The following KIAA1586 variants were observed in gnomAD, a reference collection of about 807,000 sequenced individuals.
KIAA1586 encodes E3 SUMO-protein ligase KIAA1586.
KIAA1586 carries 5 observed loss-of-function variants against 6.1 expected under a neutral mutation model. The observed-to-expected ratio is 0.82, with a 90% CI of 0.43 to 1.73. The LOEUF is 1.73. Among genes scored for constraint, KIAA1586 ranks in the 40% most tolerant of loss-of-function variants. The pLI is 0.02. For missense variants in KIAA1586, 899 were observed against 878.2 expected, an observed-to-expected ratio of 1.02 and a Z score of -0.30; for synonymous variants, 280 against 301.7, an observed-to-expected ratio of 0.93 and a Z score of 0.75.
intron 3 of KIAA1586, among the ~76,000 whole-genome samples, chr6:57,051,231 CAAA>C (rs773856302): frequency 3.5e-5 from 3 of 86,494 alleles, no homozygotes. Flanking sequence ...GACTCCTTCT[CAAA>C]AAAAAAAAAA....
At chr6:57,060,710 A>G in the KIAA1586 span, among the ~76,000 whole-genome samples, 3 of 152,248 alleles carry the variant, frequency 2.0e-5, no homozygotes, top group Non-Finnish European at 4.4e-5. Context: ...TAAAACTGAC[A>G]TTTCAAGAGG....
intron 3 of KIAA1586, 22 bp downstream of exon 3, chr6:57,050,876 T>G: frequency 6.5e-7 from 1 of 1,547,258 alleles, no homozygotes; most frequent in South Asian, 1.1e-5. Context: ...ATATTTGTGT[T>G]TGTTCAGTTT....
At chr6:57,056,142 G>A (rs902635547), downstream of KIAA1586, among the ~76,000 whole-genome samples, 5 of 151,910 alleles carry the variant, frequency 3.3e-5, no homozygotes, top group South Asian at 2.1e-4. Context: ...TCCACTTCCT[G>A]GGTTCAAGTG....
intron 3 of KIAA1586, among the ~76,000 whole-genome samples, chr6:57,052,189 A>C (rs898143850): frequency 3.3e-5 from 5 of 152,238 alleles, no homozygotes; most frequent in Non-Finnish European, 7.3e-5. Context: ...TGTAGATGGA[A>C]AATATTTTTT....
downstream of KIAA1586, among the ~76,000 whole-genome samples, chr6:57,056,670 G>A (rs1025823474): frequency 6.6e-6 from 1 of 151,516 alleles, no homozygotes; most frequent in African/African-American, 2.4e-5. Context: ...CTAAGTAGCT[G>A]GGAATACAGG....
Position 57,053,027 on chromosome 6 carries a change from G to A in KIAA1586, c.528G>A (p.Lys176=). 1.2e-6 allele frequency: 2 copies of A among 1,613,900 alleles called. No individual in the cohort carries two copies. The highest frequency in any genetic ancestry group is 1.7e-6 in the Non-Finnish European group (2 of 1,179,894). Residue 176 remains lysine (K), a synonymous_variant, in exon 4 of 4, where the codon AAG becomes AAA. Transcript: ENST00000370733. ...AVRHLGSKAE[K]HVHVSKEWIA... ...GGCATTTGGGATCGAAAGCAGAAAAGCATGTCCATGTGTCCAAGGAATGGA... is the reference window on the plus strand; with the variant it reads ...GGCATTTGGGATCGAAAGCAGAAAAACATGTCCATGTGTCCAAGGAATGGA...
chr6:57,052,788 C>A lies in KIAA1586; in HGVS notation c.289C>A (p.His97Asn). The A allele has an allele frequency of 6.2e-7, 1 of 1,611,838 alleles. No homozygotes were observed. Among genetic ancestry groups the A allele is most frequent in the South Asian group, 1.1e-5 (1 of 90,576 alleles). The part of the protein sequence containing the change: ...DTENNEVSKN[H>N]CRLSKAKEPH... ...AGAAAATAATGAAGTGAGCAAAAATCACTGCAGATTGTCTAAGGCAAAGGA... is the reference window on the plus strand; with the variant it reads ...AGAAAATAATGAAGTGAGCAAAAATAACTGCAGATTGTCTAAGGCAAAGGA... The change falls in exon 4 of 4, where the codon CAC (histidine) becomes AAC (asparagine). Residue 97 changes from histidine (H) to asparagine (N), a missense_variant. His to Asn is a moderately conservative substitution (Grantham distance 68). Transcript: ENST00000370733.
In KIAA1586 at chr6:57,054,771, T is replaced by C; in HGVS notation, c.2272T>C (p.Cys758Arg). Residue 758 changes from cysteine to arginine, a missense_variant, in exon 4 of 4, where the codon TGC becomes CGC. Physicochemically the swap from Cys to Arg is radical, Grantham distance 180. Coordinates refer to ENST00000370733, the MANE Select transcript of KIAA1586 (RefSeq NM_020931.4). ...ATPFVKSWSN[C>R]NHRLATDTRV... is the part of the protein sequence containing the mutation. ...ACCGTTTGTAAAATCTTGGTCAAAT[T>C]GCAACCACAGGTTGGCTACAGATAC... 6.4e-7 allele frequency: 1 copy of C among 1,551,360 alleles called. No homozygotes were observed. Among genetic ancestry groups the C allele is most frequent in the Middle Eastern group, 1.7e-4 (1 of 5,988 alleles).
the KIAA1586 span, among the ~76,000 whole-genome samples, chr6:57,062,965 G>T: frequency 6.6e-6 from 1 of 151,980 alleles, no homozygotes; most frequent in East Asian, 1.9e-4. Flanking sequence ...TGAAGCAGGA[G>T]AATCACTTGA....
Position 57,054,948 on chromosome 6 carries a change from C to G in KIAA1586, c.*85C>G. 7.4e-7 allele frequency: 1 copy of G among 1,345,174 alleles called. No individual in the cohort carries two copies. The highest frequency in any genetic ancestry group is 9.8e-7 in the Non-Finnish European group (1 of 1,019,622). 83.3% of individuals were successfully genotyped at this position (1,345,174 alleles called of 1,614,324 possible). On this transcript the variant is annotated 3_prime_UTR_variant, in exon 4 of 4. Coordinates refer to ENST00000370733, the MANE Select transcript of KIAA1586 (RefSeq NM_020931.4). ...AAAGGTCTTTTTTTTTTTTGGAAAG[C>G]CAGTTAAACTTTTATCAGCATGTTG...
downstream of KIAA1586, among the ~76,000 whole-genome samples, chr6:57,060,084 A>AG (rs1409551265): frequency 6.6e-6 from 1 of 152,188 alleles, no homozygotes; most frequent in Non-Finnish European, 1.5e-5. Context: ...TTTTTAGATA[A>AG]CTTTTATTAG....
chr6:57,061,452 G>A, the KIAA1586 span, among the ~76,000 whole-genome samples: 2 of 152,020 alleles, frequency 1.3e-5, no homozygotes, highest in African/African-American at 2.4e-5. Context: ...GAGTGCAGTG[G>A]CACAGTCATG....
chr6:57,066,678 C>A, the KIAA1586 span, among the ~76,000 whole-genome samples: 1 of 152,286 alleles, frequency 6.6e-6, no homozygotes, highest in South Asian at 2.1e-4. Flanking sequence ...CATGTGATGT[C>A]CTGGGCCATG....
chr6:57,061,281 C>G, the KIAA1586 span, among the ~76,000 whole-genome samples: 1 of 151,992 alleles, frequency 6.6e-6, no homozygotes, highest in Non-Finnish European at 1.5e-5. Flanking sequence ...CGGCCATGTT[C>G]CACCTTTTAA....
chr6:57,054,572 CA>C lies in KIAA1586; in HGVS notation c.2076del (p.Ala693LeufsTer4). On this transcript the variant is annotated frameshift_variant, in exon 4 of 4. Coordinates refer to ENST00000370733, the MANE Select transcript of KIAA1586 (RefSeq NM_020931.4). LOFTEE classifies it low-confidence loss of function (END_TRUNC). The part of the protein sequence containing the change: ...NNVSIPTTIY[K>X]AKKIVSTIAI... Reference sequence around the variant, plus strand: ...ATGTTTCAATTCCTACAACTATATACAAAGCTAAAAAGATAGTTAGCACCAT... The same window carrying C: ...ATGTTTCAATTCCTACAACTATATACAAGCTAAAAAGATAGTTAGCACCAT... The C allele has an allele frequency of 6.2e-7, 1 of 1,608,284 alleles. No homozygotes were observed. The highest frequency in any genetic ancestry group is 8.5e-7 in the Non-Finnish European group (1 of 1,176,418).
At chr6:57,064,075 G>A in the KIAA1586 span, among the ~76,000 whole-genome samples, 1 of 152,156 alleles carries the variant, frequency 6.6e-6, no homozygotes, top group South Asian at 2.1e-4. Flanking sequence ...TGCTGAAGAA[G>A]CTGATGCAGA....
At position 57,053,132 on chromosome 6, in the gene KIAA1586, T is replaced by C. The variant is rs766506487; in HGVS notation, c.633T>C (p.Asp211=). Residue 211 remains aspartate (D), a synonymous_variant, in exon 4 of 4, where the codon GAT becomes GAC. Transcript: ENST00000370733. ...ASLRKKIREH[D]VSKAHGKIQD... ...TACGAAAAAAAATTAGGGAACATGA[T>C]GTTTCTAAAGCCCATGGTAAAATTC... is the stretch of plus-strand genomic sequence containing the variant. The C allele has an allele frequency of 1.3e-4, 213 of 1,611,596 alleles. 1 individual carries two copies. The highest frequency in any genetic ancestry group is 1.7e-4 in the Non-Finnish European group (204 of 1,179,372).
In KIAA1586 at chr6:57,052,946, C is replaced by T; in HGVS notation, c.447C>T (p.Tyr149=). ...AAGCATTTATGTTTACAGAACAATACAAATGGCTTGAAATAAAAGAAGGTA... is the reference window on the plus strand; with the variant it reads ...AAGCATTTATGTTTACAGAACAATATAAATGGCTTGAAATAAAAGAAGGTA... The part of the protein sequence containing the change: ...EKQAFMFTEQ[Y]KWLEIKEGKL... The change falls in exon 4 of 4, where the codon TAC becomes TAT. Residue 149 remains tyrosine (Y), a synonymous_variant. Transcript: ENST00000370733. 6.2e-7 allele frequency: 1 copy of T among 1,613,644 alleles called. No homozygotes were observed. The highest frequency in any genetic ancestry group is 8.5e-7 in the Non-Finnish European group (1 of 1,179,794).
chr6:57,057,664 G>T (rs1222569543), downstream of KIAA1586, among the ~76,000 whole-genome samples: 1 of 152,006 alleles, frequency 6.6e-6, no homozygotes, highest in Non-Finnish European at 1.5e-5. Context: ...TGAGACAGGA[G>T]AATTGCTTGA....
Sources: gnomAD v4.1 joint callset for allele counts (sites outside exome capture counted in the v4.1 genomes callset) on GRCh38, gnomAD v4.1.1 for gene constraint, MANE v1.5 for transcripts, NCBI Gene and HGNC (gene_info 2026-07-23, HGNC 2026-07-21) for gene names.